The following SH3PXD2A variants were observed in gnomAD, a reference collection of about 807,000 sequenced individuals.
SH3PXD2A encodes the protein SH3 and PX domains 2A, also known as SH3 and PX domain-containing protein 2A.
In SH3PXD2A, 32 loss-of-function variants were observed where a neutral mutation model predicts 115.2. The ratio of observed to expected loss-of-function variants is 0.28; its 90% confidence interval spans 0.21 to 0.37. The LOEUF (loss-of-function observed/expected upper bound fraction) is 0.37, where lower values mean the gene tolerates loss of function less well. Among genes scored for constraint, SH3PXD2A ranks in the 10% least tolerant of loss-of-function variants. SH3PXD2A has a pLI of 1.00. For missense variants in SH3PXD2A, 1,328 were observed against 1,498.7 expected (o/e 0.89, Z 1.88); for synonymous variants, 610 against 629.1 (o/e 0.97, Z 0.45).
intron 2 of SH3PXD2A, among the ~76,000 whole-genome samples, chr10:103,777,168 T>C (rs2038888167): frequency 6.6e-6 from 1 of 152,166 alleles, no homozygotes; most frequent in South Asian, 2.1e-4. Flanking sequence ...AATGAGATAA[T>C]GTAGGTAAAG....
At chr10:103,652,969 G>T (rs1338942326) in intron 8 of SH3PXD2A, among the ~76,000 whole-genome samples, 2 of 152,116 alleles carry the variant, frequency 1.3e-5, no homozygotes, top group African/African-American at 4.8e-5. Flanking sequence ...CCCAGAACCA[G>T]CGGGCCTTCT....
chr10:103,771,674 G>A (rs2038821497), intron 2 of SH3PXD2A, among the ~76,000 whole-genome samples: 1 of 151,862 alleles, frequency 6.6e-6, no homozygotes, highest in Non-Finnish European at 1.5e-5. Context: ...GGCGGAAGCT[G>A]CTGTGAGCCA....
intron 9 of SH3PXD2A, among the ~76,000 whole-genome samples, chr10:103,624,881 G>A (rs777441326): frequency 3.9e-5 from 6 of 152,198 alleles, no homozygotes; most frequent in Admixed American, 2.0e-4. Context: ...TGTAGATCTG[G>A]GTGGGAAATG....
chr10:103,709,098 G>A (rs2038016629), intron 5 of SH3PXD2A, among the ~76,000 whole-genome samples: 1 of 151,960 alleles, frequency 6.6e-6, no homozygotes, highest in African/African-American at 2.4e-5. Context: ...CTGCCTCTGA[G>A]CCATTCAGAG....
At chr10:103,675,966 G>A (rs184632592) in intron 6 of SH3PXD2A, among the ~76,000 whole-genome samples, 13 of 152,184 alleles carry the variant, frequency 8.5e-5, no homozygotes, top group African/African-American at 3.1e-4. Context: ...TTGAATCCGG[G>A]AGGCGGAGGT....
intron 8 of SH3PXD2A, among the ~76,000 whole-genome samples, chr10:103,656,366 C>T (rs1317199175): frequency 1.3e-5 from 2 of 152,238 alleles, no homozygotes; most frequent in Admixed American, 6.5e-5. Context: ...ACTTCGAATT[C>T]TGAACTCAGA....
chr10:103,660,888 G>A (rs2037286376), intron 8 of SH3PXD2A, 95 bp downstream of exon 8: 2 of 1,335,144 alleles, frequency 1.5e-6, no homozygotes, highest in Non-Finnish European at 1.1e-6. Flanking sequence ...ATAACGTATA[G>A]CTGCAGCGGT....
intron 8 of SH3PXD2A, among the ~76,000 whole-genome samples, chr10:103,653,482 A>G (rs1293364552): frequency 6.6e-6 from 1 of 152,190 alleles, no homozygotes; most frequent in Non-Finnish European, 1.5e-5. Flanking sequence ...CGAGGCCACC[A>G]CTAACCCATA....
rs537899262 is a variant in SH3PXD2A, at chr10:103,601,542, A to T, written c.*274T>A. The T allele has an allele frequency of 2.0e-5, 7 of 345,630 alleles. No individual in the cohort carries two copies. The highest frequency in any genetic ancestry group is 1.4e-4 in the African/African-American group (7 of 48,422). The allele number at this position is 345,630 out of a possible 1,614,324, so 21.4% of individuals were successfully genotyped here. On this transcript the variant is annotated 3_prime_UTR_variant, in exon 15 of 15. Transcript: ENST00000369774. ...CATTGGTGAAGTCCCTATGGTGCAC[A>T]GGATATCTCAGCTTTCTTGGCTCTG...
intron 6 of SH3PXD2A, among the ~76,000 whole-genome samples, chr10:103,670,766 GGCCCA>G (rs1214744902): frequency 6.6e-6 from 1 of 152,248 alleles, no homozygotes; most frequent in African/African-American, 2.4e-5. Context: ...GAGCAATGCT[GGCCCA>G]GCTTTCAAGC....
chr10:103,709,225 C>G (rs752621218), intron 5 of SH3PXD2A, among the ~76,000 whole-genome samples: 1 of 152,160 alleles, frequency 6.6e-6, no homozygotes, highest in Non-Finnish European at 1.5e-5. Context: ...CCAAATGCTC[C>G]AAGCCTGGGG....
Position 103,834,623 on chromosome 10 carries a change from G to C in SH3PXD2A, c.72+20572C>G, listed in dbSNP as rs149217450. On this transcript the variant is annotated intron_variant, in intron 1 of 14. Transcript: ENST00000369774. ...AAAAAGGGAGGGAGCCAACTGCTTCGGCATGGGCCACCACTCAGGGAGCAC... is the reference window on the plus strand; with the variant it reads ...AAAAAGGGAGGGAGCCAACTGCTTCCGCATGGGCCACCACTCAGGGAGCAC... 2.4e-4 allele frequency among the ~76,000 whole-genome samples: 36 copies of C among 152,334 alleles called. No homozygotes were observed. The East Asian group carries it at 6.5e-3, about 28-fold the overall frequency.
intron 1 of SH3PXD2A, among the ~76,000 whole-genome samples, chr10:103,820,142 G>A (rs542474520): frequency 1.3e-5 from 2 of 152,254 alleles, no homozygotes; most frequent in East Asian, 1.9e-4. Context: ...CGCTCAATTC[G>A]CTCCCAGGCA....
intron 6 of SH3PXD2A, among the ~76,000 whole-genome samples, chr10:103,690,534 G>T (rs941610425): frequency 4.0e-4 from 61 of 152,180 alleles, no homozygotes; most frequent in African/African-American, 1.4e-3. Flanking sequence ...GCTGAGGGAG[G>T]GTGTGTGTGT....
chr10:103,664,535 T>A (rs1308851669), intron 7 of SH3PXD2A, among the ~76,000 whole-genome samples: 1 of 152,148 alleles, frequency 6.6e-6, no homozygotes, highest in Non-Finnish European at 1.5e-5. Flanking sequence ...CTGCCTATGA[T>A]CTTAACTTCT....
intron 2 of SH3PXD2A, among the ~76,000 whole-genome samples, chr10:103,778,690 C>T (rs752748216): frequency 7.2e-5 from 11 of 152,212 alleles, no homozygotes; most frequent in African/African-American, 1.4e-4. Flanking sequence ...AAAGAGACTC[C>T]GGTGGTGTTT....
At chr10:103,621,147 C>T (rs1332345418) in intron 10 of SH3PXD2A, among the ~76,000 whole-genome samples, 1 of 152,094 alleles carries the variant, frequency 6.6e-6, no homozygotes, top group East Asian at 1.9e-4. Context: ...GAGGGCTGTG[C>T]ATGTCTGTGG....
At chr10:103,835,596 A>G (rs1274429597) in intron 1 of SH3PXD2A, among the ~76,000 whole-genome samples, 6 of 152,226 alleles carry the variant, frequency 3.9e-5, no homozygotes, top group Non-Finnish European at 1.5e-5. Flanking sequence ...TTACCCAGCT[A>G]GAATTTTCTA....
At chr10:103,730,232 C>CTTTTTTTTTTTTTTTTT (rs67561170) in intron 4 of SH3PXD2A, among the ~76,000 whole-genome samples, 1 of 118,268 alleles carries the variant, frequency 8.5e-6, no homozygotes, top group Non-Finnish European at 1.8e-5. Context: ...TTTCTCGTTT[C>CTTTTTTTTTTTTTTTTT]TTTTTTTTTT....
Sources: allele counts gnomAD v4.1 joint callset (sites outside exome capture counted in the v4.1 genomes callset), GRCh38; gene constraint gnomAD v4.1.1; transcripts MANE v1.5; gene names NCBI Gene and HGNC (gene_info 2026-07-23, HGNC 2026-07-21).